FNDC3B: variants seen among roughly 807,000 people sequenced by gnomAD.
FNDC3B encodes the protein fibronectin type III domain-containing protein 3B.
Under a neutral mutation model 151.5 loss-of-function variants are expected in FNDC3B, and 12 were observed. That is an observed-to-expected ratio of 0.08 (90% CI 0.05 to 0.13). The LOEUF is 0.13. FNDC3B is among the 10% of genes least tolerant of loss of function. The pLI, the probability that FNDC3B is intolerant of heterozygous loss-of-function variation, is 1.00. For synonymous variants in FNDC3B, 528 were observed against 549.0 expected, an observed-to-expected ratio of 0.96 and a Z score of 0.54; for missense variants, 1,214 against 1,505.3, an observed-to-expected ratio of 0.81 and a Z score of 3.20.
chr3:172,321,765 A>AT (rs899162855), intron 11 of FNDC3B: 11 of 189,504 alleles, frequency 5.8e-5, no homozygotes, highest in East Asian at 1.6e-4. Flanking sequence ...TTTTTTATAA[A>AT]TTTTTTTTAG....
chr3:172,227,407 T>C (rs1726648663), intron 4 of FNDC3B: 1 of 153,498 alleles, frequency 6.5e-6, no homozygotes, highest in Non-Finnish European at 1.5e-5. Flanking sequence ...TGGTGAGTTA[T>C]TGAGTATGAT....
intron 16 of FNDC3B, among the ~76,000 whole-genome samples, chr3:172,339,336 G>A (rs1458816712): frequency 6.6e-6 from 1 of 152,068 alleles, no homozygotes; most frequent in African/African-American, 2.4e-5. Flanking sequence ...GGCGAGATGG[G>A]TGGATCACGA....
At chr3:172,388,870 A>G (rs1735864211) in intron 25 of FNDC3B, among the ~76,000 whole-genome samples, 1 of 152,184 alleles carries the variant, frequency 6.6e-6, no homozygotes, top group Admixed American at 6.5e-5. Flanking sequence ...GCAATATAAT[A>G]TATCATGTTG....
At chr3:172,107,443 GGA>G (rs1416523756) in intron 1 of FNDC3B, among the ~76,000 whole-genome samples, 3 of 152,060 alleles carry the variant, frequency 2.0e-5, no homozygotes, top group Non-Finnish European at 4.4e-5. Flanking sequence ...TTTCAAGAAT[GGA>G]TTCATGATCA....
At chr3:172,257,215 A>G (rs1057426256) in intron 6 of FNDC3B, among the ~76,000 whole-genome samples, 9 of 152,154 alleles carry the variant, frequency 5.9e-5, no homozygotes, top group Non-Finnish European at 1.3e-4. Flanking sequence ...CTGGCCTCCA[A>G]ACACTTTTTT....
chr3:172,341,081 G>A (rs753680584), intron 16 of FNDC3B, 32 bp from the exon 17 acceptor site: 5 of 1,406,182 alleles, frequency 3.6e-6, no homozygotes, highest in Non-Finnish European at 5.0e-6. Flanking sequence ...TTTACAAGAG[G>A]CATAAAGTCA....
chr3:172,285,881 C>T, intron 6 of FNDC3B, 45 bp from the exon 7 acceptor site: 1 of 1,468,418 alleles, frequency 6.8e-7, no homozygotes, highest in Non-Finnish European at 9.5e-7. Flanking sequence ...AACCTTACTG[C>T]CTTCTAATGG....
intron 2 of FNDC3B, among the ~76,000 whole-genome samples, chr3:172,118,942 G>C (rs554263817): frequency 1.3e-5 from 2 of 152,006 alleles, no homozygotes; most frequent in South Asian, 2.1e-4. Context: ...GCTGAGGCGG[G>C]CGGATCACGA....
chr3:172,335,978 G>C (rs1732944189), intron 15 of FNDC3B, among the ~76,000 whole-genome samples: 1 of 152,068 alleles, frequency 6.6e-6, no homozygotes, highest in African/African-American at 2.4e-5. Flanking sequence ...ATATAATTCA[G>C]AGAAATGATA....
intron 1 of FNDC3B, among the ~76,000 whole-genome samples, chr3:172,095,069 T>A (rs1049376819): frequency 2.6e-5 from 4 of 152,146 alleles, no homozygotes; most frequent in Non-Finnish European, 2.9e-5. Context: ...GATTTTAAAA[T>A]ACTCGGCAAT....
At chr3:172,182,715 G>A (rs1054473747) in intron 3 of FNDC3B, among the ~76,000 whole-genome samples, 14 of 152,082 alleles carry the variant, frequency 9.2e-5, no homozygotes, top group East Asian at 7.7e-4. Context: ...CATGTTTTTC[G>A]TGTCGACAGA....
At chr3:172,114,120 C>T (rs952962827) in intron 2 of FNDC3B, among the ~76,000 whole-genome samples, 3 of 152,186 alleles carry the variant, frequency 2.0e-5, no homozygotes, top group African/African-American at 7.2e-5. Flanking sequence ...CCTCAGGCCA[C>T]GTTCTTACAC....
intron 4 of FNDC3B, among the ~76,000 whole-genome samples, chr3:172,227,584 C>T (rs1156358254): frequency 6.6e-6 from 1 of 152,198 alleles, no homozygotes; most frequent in Non-Finnish European, 1.5e-5. Flanking sequence ...ATGGCTGGAA[C>T]ATTGTGGACA....
chr3:172,388,798 A>G (rs967884217), intron 25 of FNDC3B, among the ~76,000 whole-genome samples: 1 of 152,184 alleles, frequency 6.6e-6, no homozygotes, highest in Non-Finnish European at 1.5e-5. Context: ...GGCACCAAGC[A>G]TTTGTCCTGG....
At chr3:172,043,002 C>G (rs1031123953) in intron 1 of FNDC3B, among the ~76,000 whole-genome samples, 4 of 152,088 alleles carry the variant, frequency 2.6e-5, no homozygotes, top group African/African-American at 9.7e-5. Context: ...GCAACCTCCG[C>G]CTCCCGGATT....
chr3:172,283,635 T>C (rs1729855329), intron 6 of FNDC3B, among the ~76,000 whole-genome samples: 1 of 152,226 alleles, frequency 6.6e-6, no homozygotes, highest in Non-Finnish European at 1.5e-5. Flanking sequence ...TTTGAAACCA[T>C]AGGGTCCTTC....
chr3:172,168,807 G>T (rs1475748743), intron 3 of FNDC3B, among the ~76,000 whole-genome samples: 7 of 149,832 alleles, frequency 4.7e-5, no homozygotes, highest in Non-Finnish European at 1.0e-4. Context: ...CCGCTTCCCG[G>T]GTTCAAGTGA....
At chr3:172,174,253 A>AT in intron 3 of FNDC3B, among the ~76,000 whole-genome samples, 1 of 152,230 alleles carries the variant, frequency 6.6e-6, no homozygotes, top group East Asian at 1.9e-4. Context: ...GGTCTAAATG[A>AT]TTAAGTTTCC....
chr3:172,113,754 T>G (rs1720104798), intron 2 of FNDC3B, among the ~76,000 whole-genome samples: 1 of 152,172 alleles, frequency 6.6e-6, no homozygotes, highest in African/African-American at 2.4e-5. Flanking sequence ...TGATTCCACA[T>G]CCCCTTCCAG....
Sources: allele counts gnomAD v4.1 joint callset (sites outside exome capture counted in the v4.1 genomes callset), GRCh38; gene constraint gnomAD v4.1.1; transcripts MANE v1.5; gene names NCBI Gene and HGNC (gene_info 2026-07-23, HGNC 2026-07-21).